Variants in SH3PXD2A observed in about 807,000 individuals in gnomAD.
SH3PXD2A encodes SH3 and PX domains 2A, also known as SH3 and PX domain-containing protein 2A.
A neutral mutation model predicts 115.2 loss-of-function variants in SH3PXD2A; 32 were observed. That is an observed-to-expected ratio of 0.28 (90% CI 0.21 to 0.37). The LOEUF is 0.37. Among genes scored for constraint, SH3PXD2A ranks in the 10% least tolerant of loss-of-function variants. SH3PXD2A has a pLI of 1.00. For synonymous variants in SH3PXD2A, 610 were observed against 629.1 expected (o/e 0.97, Z 0.45); for missense variants, 1,328 against 1,498.7 (o/e 0.89, Z 1.88).
intron 3 of SH3PXD2A, chr10:103,745,920 TGCCC>T (rs2038497389): frequency 6.6e-6 from 1 of 152,266 alleles, no homozygotes; most frequent in Admixed American, 6.5e-5. Flanking sequence ...CAGGTGTGTC[TGCCC>T]GCTCCAGCAC....
intron 8 of SH3PXD2A, among the ~76,000 whole-genome samples, chr10:103,650,071 C>G (rs2037096144): frequency 2.0e-5 from 3 of 152,224 alleles, no homozygotes; most frequent in Admixed American, 1.3e-4. Context: ...GTTAGAAAAA[C>G]AGGCTCTTTA....
At chr10:103,736,492 A>C (rs1003508837) in intron 3 of SH3PXD2A, among the ~76,000 whole-genome samples, 1 of 152,268 alleles carries the variant, frequency 6.6e-6, no homozygotes. Flanking sequence ...AAATGCATCA[A>C]GACATAAGTC....
intron 1 of SH3PXD2A, among the ~76,000 whole-genome samples, chr10:103,819,580 G>A (rs1192229277): frequency 2.6e-5 from 4 of 151,990 alleles, no homozygotes; most frequent in Non-Finnish European, 4.4e-5. Context: ...GAGGGAGGAG[G>A]GCAAGGGGGC....
intron 5 of SH3PXD2A, among the ~76,000 whole-genome samples, chr10:103,704,363 T>C (rs2037956885): frequency 6.6e-6 from 1 of 151,976 alleles, no homozygotes; most frequent in African/African-American, 2.4e-5. Flanking sequence ...TGTACAGAGA[T>C]GAAGAAACCC....
At chr10:103,811,142 T>C (rs937727489) in intron 1 of SH3PXD2A, among the ~76,000 whole-genome samples, 2 of 152,210 alleles carry the variant, frequency 1.3e-5, no homozygotes, top group African/African-American at 2.4e-5. Context: ...GGCTGGACAC[T>C]TTTTCTTTTC....
chr10:103,835,692 C>T (rs577516477), intron 1 of SH3PXD2A, among the ~76,000 whole-genome samples: 13 of 152,260 alleles, frequency 8.5e-5, no homozygotes, highest in Middle Eastern at 3.4e-3. Context: ...ACCAAGTCTT[C>T]GCTGATTTTC....
intron 13 of SH3PXD2A, among the ~76,000 whole-genome samples, chr10:103,606,645 C>T (rs2036312358): frequency 1.3e-5 from 2 of 152,084 alleles, no homozygotes; most frequent in Non-Finnish European, 2.9e-5. Flanking sequence ...CAGGCGCGCG[C>T]CGCCATGCCT....
intron 2 of SH3PXD2A, among the ~76,000 whole-genome samples, chr10:103,773,336 G>A (rs1265947489): frequency 1.3e-5 from 2 of 152,048 alleles, no homozygotes; most frequent in Non-Finnish European, 2.9e-5. Flanking sequence ...CTTAGCTGAG[G>A]ACTAAGCAGT....
intron 13 of SH3PXD2A, chr10:103,609,000 A>T (rs1158911142): frequency 6.6e-6 from 1 of 152,008 alleles, no homozygotes; most frequent in African/African-American, 2.4e-5. Flanking sequence ...ACACACACAC[A>T]CAAAAATTAG....
At chr10:103,755,659 G>A (rs2038632300) in intron 3 of SH3PXD2A, among the ~76,000 whole-genome samples, 1 of 152,150 alleles carries the variant, frequency 6.6e-6, no homozygotes, top group Admixed American at 6.6e-5. Context: ...GAAAATAGCA[G>A]AGTTTTGGTT....
chr10:103,747,530 C>T (rs952653765), intron 3 of SH3PXD2A, among the ~76,000 whole-genome samples: 1 of 152,118 alleles, frequency 6.6e-6, no homozygotes, highest in Non-Finnish European at 1.5e-5. Flanking sequence ...GGGGGCTTGG[C>T]GAGGGGCACG....
At chr10:103,604,771 T>C (rs1169921548) in intron 14 of SH3PXD2A, among the ~76,000 whole-genome samples, 3 of 152,168 alleles carry the variant, frequency 2.0e-5, no homozygotes, top group Non-Finnish European at 4.4e-5. Flanking sequence ...GCCCTGTACC[T>C]ACAGTTCAAG....
chr10:103,705,609 A>T (rs1180872087), intron 5 of SH3PXD2A, among the ~76,000 whole-genome samples: 1 of 152,188 alleles, frequency 6.6e-6, no homozygotes, highest in Non-Finnish European at 1.5e-5. Context: ...ACAGCTTGTG[A>T]GGGATACAGA....
In SH3PXD2A at chr10:103,603,307, G is replaced by A. The variant is rs1210696200; in HGVS notation, c.1911C>T (p.Gly637=). Residue 637 remains glycine (G), a synonymous_variant, in exon 15 of 15, where the codon GGC becomes GGT. Coordinates refer to ENST00000369774, the MANE Select transcript of SH3PXD2A (RefSeq NM_001394015.1). ...PYAEDTLSAR[G]SSGDSDSPGS... ...CTGGGGAGTCGCTGTCCCCGGAGGAGCCTCTGGCTGACAGGGTGTCCTCTG... is the reference window on the plus strand; with the variant it reads ...CTGGGGAGTCGCTGTCCCCGGAGGAACCTCTGGCTGACAGGGTGTCCTCTG... 15 of 1,613,988 alleles carry A rather than the reference G, an allele frequency of 9.3e-6. No individual in the cohort carries two copies. Among genetic ancestry groups the A allele is most frequent in the Non-Finnish European group, 1.1e-5 (13 of 1,180,018 alleles).
At chr10:103,821,398 C>T (rs925891967) in intron 1 of SH3PXD2A, among the ~76,000 whole-genome samples, 1 of 152,062 alleles carries the variant, frequency 6.6e-6, no homozygotes. Context: ...CAAAGTGCTG[C>T]GATTACAGGC....
intron 4 of SH3PXD2A, among the ~76,000 whole-genome samples, chr10:103,732,630 G>T (rs2038334531): frequency 6.6e-6 from 1 of 152,232 alleles, no homozygotes; most frequent in Non-Finnish European, 1.5e-5. Context: ...CTGAGTCCTT[G>T]CAGGGAGCCG....
intron 3 of SH3PXD2A, among the ~76,000 whole-genome samples, chr10:103,744,864 C>CTAG (rs1189844301): frequency 2.0e-5 from 3 of 152,236 alleles, no homozygotes; most frequent in Non-Finnish European, 4.4e-5. Context: ...GGCTTGAAGT[C>CTAG]TAGCATGGTA....
chr10:103,693,122 A>T, intron 5 of SH3PXD2A, 66 bp from the exon 6 acceptor site: 1 of 1,435,606 alleles, frequency 7.0e-7, no homozygotes, highest in South Asian at 1.2e-5. Flanking sequence ...CTGCAGCTGC[A>T]GGGGCGCCCT....
intron 6 of SH3PXD2A, among the ~76,000 whole-genome samples, chr10:103,692,274 ATC>A (rs2037762075): frequency 6.6e-6 from 1 of 151,540 alleles, no homozygotes; most frequent in South Asian, 2.1e-4. Context: ...TCCAGAGACA[ATC>A]CTGCTCTACC....
Sources: allele counts gnomAD v4.1 joint callset (sites outside exome capture counted in the v4.1 genomes callset), GRCh38; gene constraint gnomAD v4.1.1; transcripts MANE v1.5; gene names NCBI Gene and HGNC (gene_info 2026-07-23, HGNC 2026-07-21).